Variants in GUCY1A1 observed in about 807,000 individuals in gnomAD.
GUCY1A1 encodes guanylate cyclase 1 soluble subunit alpha 1.
A neutral mutation model predicts 64.5 loss-of-function variants in GUCY1A1; 48 were observed. That is an observed-to-expected ratio of 0.74 (90% confidence interval 0.59 to 0.95). The LOEUF (loss-of-function observed/expected upper bound fraction) is 0.95, where lower values mean the gene tolerates loss of function less well. Among genes scored for constraint, GUCY1A1 ranks in the 40% least tolerant of loss-of-function variants. The pLI, the probability that GUCY1A1 is intolerant of heterozygous loss-of-function variation, is 0.00. For missense variants in GUCY1A1, 804 were observed against 825.3 expected (o/e 0.97, Z 0.32); for synonymous variants, 308 against 303.4 (o/e 1.02, Z -0.16).
At chr4:155,700,836 T>A (rs1300471507) in intron 3 of GUCY1A1, among the ~76,000 whole-genome samples, 1 of 152,204 alleles carries the variant, frequency 6.6e-6, no homozygotes, top group Non-Finnish European at 1.5e-5. Flanking sequence ...AAAAGACTGC[T>A]ACACAATGTT....
chr4:155,680,216 A>G (rs1354375427), intron 2 of GUCY1A1, among the ~76,000 whole-genome samples: 4 of 152,182 alleles, frequency 2.6e-5, no homozygotes, highest in Admixed American at 2.0e-4. Flanking sequence ...TTATCTCGTG[A>G]ATGTTCGTAG....
chr4:155,733,252 C>T lies in GUCY1A1; in HGVS notation c.*3021C>T, dbSNP rs1230635359. 6.6e-6 allele frequency among the ~76,000 whole-genome samples: 1 copy of T among 151,620 alleles called. No individual in the cohort carries two copies. On this transcript the variant is annotated 3_prime_UTR_variant, in exon 10 of 10. Coordinates refer to ENST00000506455, the MANE Select transcript of GUCY1A1 (RefSeq NM_001130682.3). ...ACATAATTACAACATTCTGTGGGAG[C>T]ACAAAGTAGGGGACTCAGTTCTTAG...
chr4:155,698,453 T>A (rs1216708098), intron 3 of GUCY1A1, among the ~76,000 whole-genome samples: 3 of 152,128 alleles, frequency 2.0e-5, no homozygotes, highest in Non-Finnish European at 4.4e-5. Flanking sequence ...GTGCTCTCAT[T>A]TCAAGGACAG....
At chr4:155,673,449 C>T (rs972721501) in intron 2 of GUCY1A1, among the ~76,000 whole-genome samples, 1 of 151,430 alleles carries the variant, frequency 6.6e-6, no homozygotes, top group African/African-American at 2.5e-5. Flanking sequence ...GAAGAGAGTT[C>T]GGTATGATGG....
At chr4:155,705,436 C>T (rs11725969) in intron 4 of GUCY1A1, among the ~76,000 whole-genome samples, 35,688 of 150,328 alleles carry the variant, frequency 0.24, 4,374 homozygotes, top group Middle Eastern at 0.31. Flanking sequence ...GTAATCCCAG[C>T]TAATCAGGCA....
At chr4:155,680,912 G>T (rs1460563941) in intron 2 of GUCY1A1, among the ~76,000 whole-genome samples, 1 of 139,990 alleles carries the variant, frequency 7.1e-6, no homozygotes, top group African/African-American at 2.6e-5. Flanking sequence ...TTGTTCAAGG[G>T]TCGATTGGAT....
intron 2 of GUCY1A1, among the ~76,000 whole-genome samples, chr4:155,681,883 G>A (rs1735822953): frequency 6.6e-6 from 1 of 152,122 alleles, no homozygotes; most frequent in Non-Finnish European, 1.5e-5. Context: ...ATTTTCAAAA[G>A]CACCTCCACC....
intron 2 of GUCY1A1, among the ~76,000 whole-genome samples, chr4:155,687,955 G>T (rs187591893): frequency 2.6e-4 from 40 of 152,170 alleles, no homozygotes; most frequent in African/African-American, 8.2e-4. Flanking sequence ...CGGGTGCGGT[G>T]GCTCACATCT....
intron 8 of GUCY1A1, among the ~76,000 whole-genome samples, chr4:155,721,070 G>T (rs766374710): frequency 3.3e-5 from 5 of 152,016 alleles, no homozygotes; most frequent in Non-Finnish European, 7.4e-5. Context: ...TTGAGAATCA[G>T]CTGGGCAACA....
chr4:155,717,073 C>A, intron 7 of GUCY1A1, 86 bp from the exon 8 acceptor site: 1 of 957,616 alleles, frequency 1.0e-6, no homozygotes, highest in Non-Finnish European at 1.5e-6. Context: ...GAGAATTCTG[C>A]TATATGACTT....
intron 9 of GUCY1A1, among the ~76,000 whole-genome samples, chr4:155,726,713 T>C (rs988938821): frequency 1.3e-5 from 2 of 152,020 alleles, no homozygotes; most frequent in African/African-American, 4.8e-5. Flanking sequence ...GTAATGACAG[T>C]TATACACTCC....
chr4:155,714,039 G>T (rs533467890), intron 7 of GUCY1A1, among the ~76,000 whole-genome samples: 1 of 152,214 alleles, frequency 6.6e-6, no homozygotes, highest in South Asian at 2.1e-4. Context: ...TATAAAAATT[G>T]CCTTTAAATA....
At position 155,717,172 on chromosome 4, in the gene GUCY1A1, G is replaced by T; in HGVS notation, c.1586G>T (p.Gly529Val). ...TATTATGTCTAGGTGGAGACCATTG[G>T]CGATGCCTATTGTGTAGCTGGGGGA... ...ELDVYKVETIGDAYCVAGGLH... is the reference protein window; with the variant it reads ...ELDVYKVETIVDAYCVAGGLH... The change falls in exon 8 of 10, where the codon GGC becomes GTC. Residue 529 changes from glycine to valine, a missense_variant. Coordinates refer to ENST00000506455, the MANE Select transcript of GUCY1A1 (RefSeq NM_001130682.3). The T allele has an allele frequency of 6.6e-7, 1 of 1,510,384 alleles. No individual in the cohort carries two copies. Among genetic ancestry groups the T allele is most frequent in the Non-Finnish European group, 8.9e-7 (1 of 1,119,520 alleles). 93.6% of individuals were successfully genotyped at this position (1,510,384 alleles called of 1,614,324 possible).
intron 2 of GUCY1A1, among the ~76,000 whole-genome samples, chr4:155,693,685 A>C (rs185655828): frequency 6.6e-6 from 1 of 152,342 alleles, no homozygotes; most frequent in Non-Finnish European, 1.5e-5. Context: ...ACTATCTTAA[A>C]GTAAGCACAA....
rs147679956 is a variant in GUCY1A1, at chr4:155,730,122, A to G, written c.1964A>G (p.His655Arg). The G allele has an allele frequency of 7.9e-5, 127 of 1,611,650 alleles. No individual in the cohort carries two copies. In the African/African-American group the frequency reaches 1.5e-3, roughly 19 times the overall value. The change falls in exon 10 of 10, where the codon CAT becomes CGT. Residue 655 changes from histidine (H) to arginine (R), a missense_variant. By Grantham distance (29) the His-to-Arg change is conservative (BLOSUM62 0). Transcript: ENST00000506455. ...CCTAGTGAAATCCCCGGAATCTGCC[A>G]TTTTCTGGATGCTTACCAACAAGGA... Reference protein sequence around the residue: ...NFPSEIPGICHFLDAYQQGTN... With the variant: ...NFPSEIPGICRFLDAYQQGTN...
intron 4 of GUCY1A1, among the ~76,000 whole-genome samples, chr4:155,705,719 T>A (rs1274688959): frequency 6.6e-6 from 1 of 152,196 alleles, no homozygotes; most frequent in African/African-American, 2.4e-5. Context: ...ATCTGTCTCC[T>A]ACTCATGAGT....
intron 2 of GUCY1A1, among the ~76,000 whole-genome samples, chr4:155,680,571 C>T (rs1735590285): frequency 6.6e-6 from 1 of 152,012 alleles, no homozygotes; most frequent in Non-Finnish European, 1.5e-5. Context: ...AAAGTTTTGA[C>T]TCCTCAAAAA....
chr4:155,694,397 A>C (rs896775556), intron 2 of GUCY1A1, among the ~76,000 whole-genome samples: 11 of 151,988 alleles, frequency 7.2e-5, no homozygotes, highest in Non-Finnish European at 1.0e-4. Context: ...AATGAAAAAA[A>C]CTCTCCAAGC....
In GUCY1A1 at chr4:155,733,965, A is replaced by T. The variant is rs1181315678; in HGVS notation, c.*3734A>T. Among the ~76,000 whole-genome samples, 1 of 151,846 alleles carries T rather than the reference A, an allele frequency of 6.6e-6. No individual in the cohort carries two copies. The highest frequency in any genetic ancestry group is 1.5e-5 in the Non-Finnish European group (1 of 67,888). On this transcript the variant is annotated 3_prime_UTR_variant, in exon 10 of 10. Transcript: ENST00000506455. ...ATAAAGCTGGGATGTCTGGCATTGG[A>T]ATTTTATGTCACTCTCAAGGCTAAT...
Sources: gnomAD v4.1 joint callset for allele counts (sites outside exome capture counted in the v4.1 genomes callset) on GRCh38, gnomAD v4.1.1 for gene constraint, MANE v1.5 for transcripts, NCBI Gene and HGNC (gene_info 2026-07-23, HGNC 2026-07-21) for gene names.